Variants in SNRPN observed in about 807,000 individuals in gnomAD.
SNRPN encodes small nuclear ribonucleoprotein-associated protein N.
Under a neutral mutation model 25.2 loss-of-function variants are expected in SNRPN, and 7 were observed. That is an observed-to-expected ratio of 0.28 (90% confidence interval 0.16 to 0.52). The LOEUF is 0.52. Among genes scored for constraint, SNRPN ranks in the 20% least tolerant of loss-of-function variants. The pLI, the probability that SNRPN is intolerant of heterozygous loss-of-function variation, is 0.96. For missense variants in SNRPN, 196 were observed against 322.5 expected, an observed-to-expected ratio of 0.61 and a Z score of 3.00; for synonymous variants, 124 against 110.6, an observed-to-expected ratio of 1.12 and a Z score of -0.76.
chr15:24,886,859 T>G (rs1212044855), intron 2 of SNRPN, among the ~76,000 whole-genome samples: 1 of 152,200 alleles, frequency 6.6e-6, no homozygotes. Context: ...CCAAAACTCC[T>G]AATGTTACAT....
At chr15:24,885,341 C>T (rs144723119) in intron 1 of SNRPN, among the ~76,000 whole-genome samples, 1 of 152,294 alleles carries the variant, frequency 6.6e-6, no homozygotes, top group Non-Finnish European at 1.5e-5. Flanking sequence ...TTGGCTCTAA[C>T]CAGCTCCTGC....
chr15:24,941,112 GA>G (rs1473038984), intron 3 of SNRPN, among the ~76,000 whole-genome samples: 1 of 152,160 alleles, frequency 6.6e-6, no homozygotes, highest in African/African-American at 2.4e-5. Flanking sequence ...GAGTAGCTGA[GA>G]CCACAGGTGC....
In SNRPN at chr15:24,978,556, A is replaced by C; in HGVS notation, c.*112A>C. On this transcript the variant is annotated 3_prime_UTR_variant, in exon 10 of 10. Coordinates refer to ENST00000390687, the MANE Select transcript of SNRPN (RefSeq NM_003097.6). ...CATTCTGCATTAATAATAGCTAATA[A>C]TAAATGCATAGAGCAATTAAACTGT... 2 of 954,124 alleles carry C rather than the reference A, an allele frequency of 2.1e-6. No individual in the cohort carries two copies. Among genetic ancestry groups the C allele is most frequent in the Admixed American group, 1.8e-5 (1 of 56,784 alleles). 59.1% of individuals were successfully genotyped at this position (954,124 alleles called of 1,614,324 possible).
intron 2 of SNRPN, among the ~76,000 whole-genome samples, chr15:24,887,814 G>A (rs774197765): frequency 1.3e-5 from 2 of 152,142 alleles, no homozygotes; most frequent in East Asian, 1.9e-4. Flanking sequence ...GTCTGTGTCC[G>A]CTGGGGAGGT....
intron 4 of SNRPN, 147 bp downstream of exon 4, chr15:24,974,603 C>T (rs2076850277): frequency 2.5e-6 from 2 of 800,752 alleles, no homozygotes; most frequent in Non-Finnish European, 4.4e-6. Flanking sequence ...TGAGTATCAG[C>T]TGAAGATGAG....
intron 2 of SNRPN, chr15:24,909,892 G>A: frequency 1.5e-6 from 1 of 650,856 alleles, no homozygotes; most frequent in Non-Finnish European, 2.7e-6. Flanking sequence ...GCTGGGGCAG[G>A]GAGAAGGGGA....
At chr15:24,972,431 G>C (rs978930219) in intron 3 of SNRPN, among the ~76,000 whole-genome samples, 2 of 151,654 alleles carry the variant, frequency 1.3e-5, no homozygotes, top group African/African-American at 4.8e-5. Flanking sequence ...GTCTTTGTTT[G>C]CTTATTTGAA....
At chr15:24,958,996 C>T (rs1317937732) in intron 1 of SNRPN, 1 of 152,174 alleles carries the variant, frequency 6.6e-6, no homozygotes, top group East Asian at 1.9e-4. Flanking sequence ...GGCATTGCAG[C>T]CATGAGCCGC....
intron 1 of SNRPN, among the ~76,000 whole-genome samples, chr15:24,884,134 T>C (rs2056980744): frequency 9.6e-6 from 1 of 104,096 alleles, no homozygotes; most frequent in South Asian, 3.0e-4. Context: ...CAACATGGCA[T>C]AACCCTGCCT....
chr15:24,950,337 C>T (rs373856213), upstream of SNRPN, among the ~76,000 whole-genome samples: 8 of 151,110 alleles, frequency 5.3e-5, no homozygotes, highest in East Asian at 4.0e-4. Context: ...CCCTCACACC[C>T]GGCTAATTTT....
At chr15:24,933,992 G>GT (rs1242065299) in intron 3 of SNRPN, among the ~76,000 whole-genome samples, 2 of 152,126 alleles carry the variant, frequency 1.3e-5, no homozygotes, top group South Asian at 2.1e-4. Flanking sequence ...AGCTAACAAA[G>GT]TTTTTTATGG....
At chr15:24,859,188 A>C (rs1034608282) in intron 1 of SNRPN, among the ~76,000 whole-genome samples, 1 of 152,188 alleles carries the variant, frequency 6.6e-6, no homozygotes, top group African/African-American at 2.4e-5. Context: ...GTGTGCTTTC[A>C]TGGCGACTGG....
chr15:24,871,301 A>G (rs1042812758), intron 1 of SNRPN, among the ~76,000 whole-genome samples: 2 of 151,972 alleles, frequency 1.3e-5, no homozygotes, highest in African/African-American at 4.8e-5. Context: ...AGTTTTTATT[A>G]CCCTAAAGAA....
At chr15:24,844,641 C>T (rs2052026434) in intron 2 of SNRPN, among the ~76,000 whole-genome samples, 2 of 152,126 alleles carry the variant, frequency 1.3e-5, no homozygotes, top group Non-Finnish European at 2.9e-5. Flanking sequence ...TCTCCTGCCT[C>T]AGCCTCTTGA....
At chr15:24,836,929 G>A (rs1465434252) in intron 2 of SNRPN, among the ~76,000 whole-genome samples, 1 of 151,950 alleles carries the variant, frequency 6.6e-6, no homozygotes, top group Non-Finnish European at 1.5e-5. Context: ...CCTTCCCTTC[G>A]GGCATAGGGC....
intron 2 of SNRPN, among the ~76,000 whole-genome samples, chr15:24,891,865 T>G (rs2150607642): frequency 6.6e-6 from 1 of 152,352 alleles, no homozygotes; most frequent in South Asian, 2.1e-4. Flanking sequence ...GCTATCATTC[T>G]AAAATCTTAG....
intron 2 of SNRPN, among the ~76,000 whole-genome samples, chr15:24,902,017 G>A (rs1168055979): frequency 6.6e-6 from 1 of 152,140 alleles, no homozygotes; most frequent in Non-Finnish European, 1.5e-5. Flanking sequence ...CGTAAGACAA[G>A]ATCTAATATT....
At chr15:24,970,355 G>A (rs946865199) in intron 3 of SNRPN, among the ~76,000 whole-genome samples, 4 of 152,194 alleles carry the variant, frequency 2.6e-5, no homozygotes, top group African/African-American at 9.7e-5. Flanking sequence ...TGAGGCAGGT[G>A]GATCACCTGA....
At chr15:24,828,424 C>T (rs2050252173) in intron 1 of SNRPN, among the ~76,000 whole-genome samples, 1 of 152,036 alleles carries the variant, frequency 6.6e-6, no homozygotes, top group South Asian at 2.1e-4. Context: ...ACCAGGGTAA[C>T]AGCTATTGTG....
Sources: gnomAD v4.1 joint callset for allele counts (sites outside exome capture counted in the v4.1 genomes callset) on GRCh38, gnomAD v4.1.1 for gene constraint, MANE v1.5 for transcripts, NCBI Gene and HGNC (gene_info 2026-07-23, HGNC 2026-07-21) for gene names.